The following COL28A1 variants were observed in gnomAD, a reference collection of about 807,000 sequenced individuals.
The protein encoded by COL28A1 is collagen alpha-1(XXVIII) chain.
COL28A1 carries 161 observed loss-of-function variants against 150.2 expected under a neutral mutation model. The observed-to-expected ratio is 1.07, with a 90% CI of 0.94 to 1.22. The LOEUF is 1.22. Ranked by LOEUF, COL28A1 falls within the 50% of genes most tolerant of loss-of-function variation. The pLI, the probability that COL28A1 is intolerant of heterozygous loss-of-function variation, is 0.00. For synonymous variants in COL28A1, 552 were observed against 469.7 expected, an observed-to-expected ratio of 1.18 and a Z score of -2.26; for missense variants, 1,617 against 1,388.3, an observed-to-expected ratio of 1.16 and a Z score of -2.62.
At position 7,358,409 on chromosome 7, in the gene COL28A1, T is replaced by C. The variant is rs1048510234; in HGVS notation, c.*224A>G. Reference sequence around the variant, plus strand: ...ATCCTCAGCTCTGAAACTTTTTAGTTGGGTGACAGTTGACAAGTTACTAAA... The same window carrying C: ...ATCCTCAGCTCTGAAACTTTTTAGTCGGGTGACAGTTGACAAGTTACTAAA... On this transcript the variant is annotated 3_prime_UTR_variant, in exon 35 of 35. Transcript: ENST00000399429. 7.0e-6 allele frequency: 3 copies of C among 428,582 alleles called. No homozygotes were observed. The highest frequency in any genetic ancestry group is 2.0e-5 in the African/African-American group (1 of 49,008). The allele number at this position is 428,582 out of a possible 1,614,324, so 26.5% of individuals were successfully genotyped here.
chr7:7,378,952 C>A (rs962689624), intron 30 of COL28A1, among the ~76,000 whole-genome samples: 1 of 152,174 alleles, frequency 6.6e-6, no homozygotes, highest in Non-Finnish European at 1.5e-5. Flanking sequence ...AAGCTCTGTC[C>A]AAATCCCCTG....
At chr7:7,415,637 G>A (rs1247937507) in intron 27 of COL28A1, among the ~76,000 whole-genome samples, 2 of 152,150 alleles carry the variant, frequency 1.3e-5, no homozygotes, top group Non-Finnish European at 2.9e-5. Flanking sequence ...GGATTCAAGC[G>A]ATTCTCCTGC....
chr7:7,459,479 T>C (rs912161016), intron 15 of COL28A1, among the ~76,000 whole-genome samples: 1 of 152,246 alleles, frequency 6.6e-6, no homozygotes, highest in African/African-American at 2.4e-5. Context: ...ATCATGAATA[T>C]CAATTGTTAT....
intron 25 of COL28A1, among the ~76,000 whole-genome samples, chr7:7,422,640 A>G (rs10085761): frequency 0.066 from 10,003 of 151,898 alleles, 1,135 homozygotes; most frequent in African/African-American, 0.23. Context: ...AAAAAAGAAA[A>G]AAAAAAAGGA....
chr7:7,403,250 G>A (rs535322037), intron 27 of COL28A1, among the ~76,000 whole-genome samples: 54 of 152,210 alleles, frequency 3.5e-4, no homozygotes, highest in Admixed American at 3.3e-3. Context: ...CAGCTTTCAC[G>A]GGGAAGTGAA....
At chr7:7,423,360 A>T (rs1784480412) in intron 25 of COL28A1, among the ~76,000 whole-genome samples, 1 of 152,214 alleles carries the variant, frequency 6.6e-6, no homozygotes, top group Non-Finnish European at 1.5e-5. Flanking sequence ...TACAATTTTT[A>T]AAAATCCATA....
At chr7:7,361,485 A>G (rs1057006979) in intron 33 of COL28A1, among the ~76,000 whole-genome samples, 1 of 152,184 alleles carries the variant, frequency 6.6e-6, no homozygotes, top group African/African-American at 2.4e-5. Flanking sequence ...CTATTTCTCC[A>G]CATCCTCTCC....
chr7:7,456,316 C>G (rs1163197777), intron 15 of COL28A1, among the ~76,000 whole-genome samples: 3 of 152,054 alleles, frequency 2.0e-5, no homozygotes, highest in African/African-American at 4.8e-5. Flanking sequence ...TTTTGCTATT[C>G]AGTCTAAGTT....
intron 18 of COL28A1, among the ~76,000 whole-genome samples, chr7:7,448,229 A>T (rs1393711314): frequency 2.0e-5 from 3 of 152,210 alleles, no homozygotes; most frequent in Non-Finnish European, 4.4e-5. Context: ...CAAGCACAAG[A>T]AACATATCTA....
intron 8 of COL28A1, 114 bp from the exon 9 acceptor site, chr7:7,511,249 T>C: frequency 1.3e-6 from 1 of 795,650 alleles, no homozygotes; most frequent in Non-Finnish European, 2.1e-6. Context: ...ATAAGCACTC[T>C]TTTGGTTTCT....
intron 15 of COL28A1, among the ~76,000 whole-genome samples, chr7:7,471,124 T>TTAAAAAAAAAAAAAAAAAAAAAAAA (rs1788382610): frequency 1.3e-5 from 1 of 76,014 alleles, no homozygotes; most frequent in Non-Finnish European, 2.6e-5. Context: ...AAAAAAATAA[T>TTAAAAAAAAAAAAAAAAAAAAAAAA]TAAAAAAAAA....
intron 27 of COL28A1, among the ~76,000 whole-genome samples, chr7:7,401,284 A>G (rs1000862276): frequency 3.3e-5 from 5 of 151,894 alleles, no homozygotes; most frequent in African/African-American, 7.3e-5. Context: ...CTTCTCTTCT[A>G]TGTATACTCT....
At chr7:7,370,953 A>T in intron 32 of COL28A1, 71 bp from the exon 33 acceptor site, 1 of 1,009,292 alleles carries the variant, frequency 9.9e-7, no homozygotes. Context: ...ATTTAAAAAG[A>T]TCTGCACTCT....
chr7:7,346,342 T>C, the COL28A1 span, among the ~76,000 whole-genome samples: 1 of 152,090 alleles, frequency 6.6e-6, no homozygotes, highest in African/African-American at 2.4e-5. Flanking sequence ...TCGCTAGGAA[T>C]AGAAGTCTCT....
intron 27 of COL28A1, among the ~76,000 whole-genome samples, chr7:7,383,648 A>G (rs1782007486): frequency 7.1e-6 from 1 of 141,484 alleles, no homozygotes; most frequent in Non-Finnish European, 1.5e-5. Flanking sequence ...AAAAACCTCA[A>G]TATTATCTAT....
chr7:7,492,288 T>A (rs918876347), intron 11 of COL28A1, among the ~76,000 whole-genome samples: 3 of 151,844 alleles, frequency 2.0e-5, no homozygotes, highest in African/African-American at 7.3e-5. Flanking sequence ...CTATAAGAAG[T>A]CTGTAACCGA....
chr7:7,497,401 T>C (rs1440087937), intron 11 of COL28A1, among the ~76,000 whole-genome samples: 1 of 152,174 alleles, frequency 6.6e-6, no homozygotes, highest in East Asian at 1.9e-4. Context: ...CTCTAAGAAG[T>C]AGTTACTGTT....
At chr7:7,388,173 C>G (rs959317987) in intron 27 of COL28A1, among the ~76,000 whole-genome samples, 1 of 151,980 alleles carries the variant, frequency 6.6e-6, no homozygotes, top group African/African-American at 2.4e-5. Flanking sequence ...GCCCCCCACC[C>G]CATGACAGGC....
At chr7:7,359,508 A>G (rs1238316921) in intron 34 of COL28A1, among the ~76,000 whole-genome samples, 1 of 152,144 alleles carries the variant, frequency 6.6e-6, no homozygotes, top group Non-Finnish European at 1.5e-5. Flanking sequence ...CTCATTTGCT[A>G]AATCCCTTTT....
Sources: allele counts gnomAD v4.1 joint callset (sites outside exome capture counted in the v4.1 genomes callset), GRCh38; gene constraint gnomAD v4.1.1; transcripts MANE v1.5; gene names NCBI Gene and HGNC (gene_info 2026-07-23, HGNC 2026-07-21).